RASSF6: variants seen among roughly 807,000 people sequenced by gnomAD.
The protein encoded by RASSF6 is ras association domain-containing protein 6.
A neutral mutation model predicts 44.0 loss-of-function variants in RASSF6; 52 were observed. The ratio of observed to expected loss-of-function variants is 1.18; its 90% CI spans 0.95 to 1.49. RASSF6 has a LOEUF of 1.49. Ranked by LOEUF, RASSF6 falls within the 40% of genes most tolerant of loss-of-function variation. The pLI, the probability that RASSF6 is intolerant of heterozygous loss-of-function variation, is 0.00. For synonymous variants in RASSF6, 162 were observed against 124.6 expected (o/e 1.30, Z -2.00); for missense variants, 464 against 393.3 (o/e 1.18, Z -1.52).
In RASSF6 at chr4:73,576,105, T is replaced by C; in HGVS notation, c.*130A>G. The C allele has an allele frequency of 1.8e-6, 1 of 550,448 alleles. No homozygotes were observed. The highest frequency in any genetic ancestry group is 3.6e-5 in the Admixed American group (1 of 27,566). The allele number at this position is 550,448 out of a possible 1,614,324, so 34.1% of individuals were successfully genotyped here. A position where few individuals can be genotyped will look rare whatever the true frequency, so the allele number is the denominator to read the frequency against. On this transcript the variant is annotated 3_prime_UTR_variant, in exon 11 of 11. Coordinates refer to ENST00000307439, the MANE Select transcript of RASSF6 (RefSeq NM_177532.5). Reference sequence around the variant, plus strand: ...CACTTCAAAAAGAAATGAGCTTTTTTTGACATTCAATTTTCTACGATTCAA... The same window carrying C: ...CACTTCAAAAAGAAATGAGCTTTTTCTGACATTCAATTTTCTACGATTCAA...
intron 3 of RASSF6, among the ~76,000 whole-genome samples, chr4:73,595,957 A>G (rs1390373714): frequency 6.6e-6 from 1 of 152,214 alleles, no homozygotes; most frequent in Non-Finnish European, 1.5e-5. Context: ...CATGAAATTA[A>G]ATCAGGAGTA....
intron 2 of RASSF6, among the ~76,000 whole-genome samples, chr4:73,601,336 A>G (rs1725264027): frequency 6.9e-6 from 1 of 145,472 alleles, no homozygotes; most frequent in Non-Finnish European, 1.5e-5. Flanking sequence ...TTTTTCTGTT[A>G]TAACTGCAGA....
At position 73,574,525 on chromosome 4, in the gene RASSF6, C is replaced by G. The variant is rs1023859203; in HGVS notation, c.*1710G>C. The stretch of plus-strand genomic sequence containing the variant: ...GTGAATTCTGAAACCCTCATTCCTG[C>G]CTTTCCTTGTTAGGATTCTTTCCCT... On this transcript the variant is annotated 3_prime_UTR_variant, in exon 11 of 11. Transcript: ENST00000307439. 1.3e-5 allele frequency: 2 copies of G among 152,354 alleles called. No homozygotes were observed. Among genetic ancestry groups the G allele is most frequent in the South Asian group, 4.1e-4 (2 of 4,822 alleles). The allele number at this position is 152,354 out of a possible 1,614,324, so 9.4% of individuals were successfully genotyped here.
At chr4:73,582,397 A>G (rs898120238) in intron 6 of RASSF6, 107 bp from the exon 7 acceptor site, 3 of 478,812 alleles carry the variant, frequency 6.3e-6, no homozygotes, top group African/African-American at 2.0e-5. Flanking sequence ...AAGGTCATTA[A>G]TTTAAAAAAT....
intron 2 of RASSF6, among the ~76,000 whole-genome samples, chr4:73,610,265 G>A (rs1488786608): frequency 2.6e-5 from 4 of 152,128 alleles, no homozygotes; most frequent in African/African-American, 9.7e-5. Flanking sequence ...TCCAGAATCT[G>A]ACCATTGTTT....
chr4:73,587,702 T>TA, intron 5 of RASSF6, 138 bp downstream of exon 5: 1 of 415,726 alleles, frequency 2.4e-6, no homozygotes. Context: ...CTAAGATATT[T>TA]AAAAATATAT....
chr4:73,598,803 A>G, intron 2 of RASSF6, 85 bp from the exon 3 acceptor site: 1 of 571,124 alleles, frequency 1.8e-6, no homozygotes, highest in African/African-American at 2.0e-5. Flanking sequence ...AAGGTATGAG[A>G]TAGAAAGAAA....
rs115164533 is a variant in RASSF6 at position 73,602,101 on chromosome 4, A to G, written c.66-3383T>C. On this transcript the variant is annotated intron_variant, in intron 2 of 10. Transcript: ENST00000307439. Reference sequence around the variant, plus strand: ...GTAGCTATTTCTATAGTTCACAGAAAAAAACTCAAGAGTTGGGATTCCAAG... The same window carrying G: ...GTAGCTATTTCTATAGTTCACAGAAGAAAACTCAAGAGTTGGGATTCCAAG... 3.9e-3 allele frequency among the ~76,000 whole-genome samples: 597 copies of G among 152,376 alleles called. 5 individuals carry two copies. The highest frequency in any genetic ancestry group is 0.012 in the African/African-American group (498 of 41,582).
chr4:73,593,614 C>G, intron 3 of RASSF6, 21 bp from the exon 4 acceptor site: 1 of 1,605,960 alleles, frequency 6.2e-7, no homozygotes, highest in Non-Finnish European at 8.5e-7. Flanking sequence ...AATGAATAAT[C>G]CCCCAATTGT....
intron 1 of RASSF6, among the ~76,000 whole-genome samples, chr4:73,617,396 G>T (rs1726432495): frequency 6.6e-6 from 1 of 152,188 alleles, no homozygotes; most frequent in Non-Finnish European, 1.5e-5. Flanking sequence ...GGCACTTAAG[G>T]CATCTTGCCA....
At chr4:73,580,723 T>C (rs1723570501) in intron 8 of RASSF6, among the ~76,000 whole-genome samples, 1 of 142,930 alleles carries the variant, frequency 7.0e-6, no homozygotes, top group South Asian at 2.4e-4. Context: ...TGGGGTTGTT[T>C]GTTTTTTTCT....
At chr4:73,608,858 T>A (rs968099564) in intron 2 of RASSF6, among the ~76,000 whole-genome samples, 2 of 152,234 alleles carry the variant, frequency 1.3e-5, no homozygotes, top group Non-Finnish European at 2.9e-5. Flanking sequence ...GCCTTCTGGC[T>A]GTACTGGCCA....
intron 2 of RASSF6, among the ~76,000 whole-genome samples, chr4:73,600,688 G>A (rs1725226537): frequency 6.6e-6 from 1 of 150,972 alleles, no homozygotes; most frequent in Non-Finnish European, 1.5e-5. Flanking sequence ...TTTTCAAGGT[G>A]TACGTTTCCA....
At chr4:73,586,799 T>C (rs767135023) in intron 5 of RASSF6, among the ~76,000 whole-genome samples, 12 of 151,224 alleles carry the variant, frequency 7.9e-5, no homozygotes, top group Admixed American at 1.3e-4. Flanking sequence ...TTTAACAAGA[T>C]GTAAAGATCC....
At chr4:73,582,003 T>C (rs904638726) in intron 7 of RASSF6, 135 bp from the exon 8 acceptor site, 2 of 709,334 alleles carry the variant, frequency 2.8e-6, no homozygotes, top group Admixed American at 5.9e-5. Context: ...TCTGCTCTTA[T>C]GGGAATTATA....
In RASSF6 at chr4:73,593,541, A is replaced by G; in HGVS notation, c.197T>C (p.Val66Ala). Residue 66 changes from valine to alanine, a missense_variant, in exon 4 of 11, where the codon GTA becomes GCA. Physicochemically the swap from Val to Ala is moderately conservative, Grantham distance 64 (BLOSUM62 0). Coordinates refer to ENST00000307439, the MANE Select transcript of RASSF6 (RefSeq NM_177532.5). ...VEGMLDIFWGVKRPIQLKIQD... is the reference protein window; with the variant it reads ...VEGMLDIFWGAKRPIQLKIQD... The stretch of plus-strand genomic sequence containing the variant: ...TATTTTTAGCTGTATAGGTCGTTTT[A>G]CTCCCCAGAAAATGTCCAGCATTCC... 1 of 1,613,580 alleles carries G rather than the reference A, an allele frequency of 6.2e-7. No individual in the cohort carries two copies. The highest frequency in any genetic ancestry group is 1.1e-5 in the South Asian group (1 of 90,964).
chr4:73,598,258 G>A (rs1725065794), intron 3 of RASSF6, among the ~76,000 whole-genome samples: 1 of 152,028 alleles, frequency 6.6e-6, no homozygotes, highest in Non-Finnish European at 1.5e-5. Context: ...TGACATTACA[G>A]ATGCATCATA....
intron 4 of RASSF6, among the ~76,000 whole-genome samples, chr4:73,590,117 G>C (rs1724422493): frequency 6.6e-6 from 1 of 152,182 alleles, no homozygotes; most frequent in Non-Finnish European, 1.5e-5. Context: ...AAACACTTGT[G>C]CCAGATATGA....
intron 2 of RASSF6, among the ~76,000 whole-genome samples, chr4:73,608,922 A>C (rs1725827552): frequency 6.6e-6 from 1 of 152,250 alleles, no homozygotes; most frequent in Non-Finnish European, 1.5e-5. Flanking sequence ...TGTGCTTAGA[A>C]GTGCAGGTGG....
Sources: allele counts gnomAD v4.1 joint callset (sites outside exome capture counted in the v4.1 genomes callset), GRCh38; gene constraint gnomAD v4.1.1; transcripts MANE v1.5; gene names NCBI Gene and HGNC (gene_info 2026-07-23, HGNC 2026-07-21).